The following ZNF407 variants were observed in gnomAD, a reference collection of about 807,000 sequenced individuals.
ZNF407 encodes zinc finger protein 407.
Under a neutral mutation model 131.2 loss-of-function variants are expected in ZNF407, and 17 were observed. The ratio of observed to expected loss-of-function variants is 0.13; its 90% confidence interval spans 0.09 to 0.19. The LOEUF is 0.19. Ranked by LOEUF, ZNF407 falls within the 10% of genes least tolerant of loss-of-function variation. ZNF407 has a pLI of 1.00. For missense variants in ZNF407, 2,681 were observed against 2,830.6 expected (o/e 0.95, Z 1.20); for synonymous variants, 1,156 against 1,062.0 (o/e 1.09, Z -1.72).
intron 4 of ZNF407, among the ~76,000 whole-genome samples, chr18:74,850,732 A>G (rs2145145764): frequency 6.6e-6 from 1 of 152,300 alleles, no homozygotes; most frequent in East Asian, 1.9e-4. Flanking sequence ...ATGGTACTCC[A>G]CACCCATGTA....
At chr18:74,598,413 C>T (rs4073570) in intron 1 of ZNF407, 109,559 of 152,322 alleles carry the variant, frequency 0.72, 41,235 homozygotes, top group East Asian at 0.95. Flanking sequence ...GAAATCGGGC[C>T]GTTCTCGCGT....
rs374601329 is a variant in ZNF407, at chr18:74,915,367, T to C, written c.5250-5147T>C. Among the ~76,000 whole-genome samples the C allele has an allele frequency of 9.1e-5, 12 of 131,972 alleles. No individual in the cohort carries two copies. In the East Asian group the frequency reaches 2.3e-3, roughly 25 times the overall value. 86.6% of individuals were successfully genotyped at this position (131,972 alleles called of 152,430 possible). A position where few individuals can be genotyped will look rare whatever the true frequency, so the allele number is the denominator to read the frequency against. ...GTGTGTGTGTGCATGTGTGTGCTGG[T>C]ATGGTGAGGTTGTATGCAGCATTGG... On this transcript the variant is annotated intron_variant, in intron 7 of 8. Transcript: ENST00000299687.
At chr18:74,782,271 T>A (rs1337033527) in intron 4 of ZNF407, among the ~76,000 whole-genome samples, 4 of 152,346 alleles carry the variant, frequency 2.6e-5, no homozygotes, top group East Asian at 1.9e-4. Context: ...TTAGTTTTTT[T>A]AATACTGTTT....
intron 3 of ZNF407, among the ~76,000 whole-genome samples, chr18:74,754,895 G>C (rs1001575182): frequency 6.6e-6 from 1 of 152,124 alleles, no homozygotes; most frequent in Non-Finnish European, 1.5e-5. Flanking sequence ...TTCAATCCCG[G>C]ATGTCCTTGT....
chr18:74,830,831 G>A (rs898999582), intron 4 of ZNF407, among the ~76,000 whole-genome samples: 9 of 152,084 alleles, frequency 5.9e-5, no homozygotes, highest in African/African-American at 1.2e-4. Flanking sequence ...AAATGTAGTC[G>A]TCCTACAGCG....
intron 8 of ZNF407, among the ~76,000 whole-genome samples, chr18:75,027,330 A>G (rs896261137): frequency 6.6e-6 from 1 of 152,192 alleles, no homozygotes; most frequent in African/African-American, 2.4e-5. Context: ...TTCCAAGAAC[A>G]AATTTTAATT....
chr18:74,668,174 G>A (rs186039970), intron 3 of ZNF407, among the ~76,000 whole-genome samples: 13 of 152,212 alleles, frequency 8.5e-5, no homozygotes, highest in Non-Finnish European at 1.8e-4. Flanking sequence ...CGCTGGACTG[G>A]TTGCAGTCCA....
chr18:74,787,472 T>G (rs1969741114), intron 4 of ZNF407, among the ~76,000 whole-genome samples: 1 of 152,228 alleles, frequency 6.6e-6, no homozygotes, highest in South Asian at 2.1e-4. Context: ...AGTCAGCATC[T>G]GTGCTGCAGA....
chr18:74,851,493 C>G (rs1389304764), intron 4 of ZNF407, among the ~76,000 whole-genome samples: 1 of 152,026 alleles, frequency 6.6e-6, no homozygotes, highest in Admixed American at 6.5e-5. Flanking sequence ...TTATCAGAAA[C>G]TTGGGAGTAT....
chr18:75,040,412 G>C (rs1973359561), intron 8 of ZNF407, among the ~76,000 whole-genome samples: 1 of 152,152 alleles, frequency 6.6e-6, no homozygotes, highest in Admixed American at 6.5e-5. Flanking sequence ...ACTGGGTATT[G>C]ATCTGTGTTC....
intron 4 of ZNF407, among the ~76,000 whole-genome samples, chr18:74,864,934 G>T (rs1318247613): frequency 6.6e-6 from 1 of 152,206 alleles, no homozygotes; most frequent in Non-Finnish European, 1.5e-5. Context: ...TATGGTGATT[G>T]TGTTGTTACT....
At chr18:74,777,362 T>G (rs1969494308) in intron 3 of ZNF407, among the ~76,000 whole-genome samples, 1 of 152,130 alleles carries the variant, frequency 6.6e-6, no homozygotes, top group African/African-American at 2.4e-5. Context: ...TATTTTTTAT[T>G]TAAAGGTGTT....
chr18:74,622,798 C>T (rs991184346), intron 1 of ZNF407, among the ~76,000 whole-genome samples: 5 of 150,936 alleles, frequency 3.3e-5, no homozygotes, highest in African/African-American at 1.2e-4. Flanking sequence ...GTGTCTGTGT[C>T]TGAATTTGTG....
At chr18:74,764,481 T>C (rs1969183581) in intron 3 of ZNF407, among the ~76,000 whole-genome samples, 1 of 152,224 alleles carries the variant, frequency 6.6e-6, no homozygotes, top group African/African-American at 2.4e-5. Context: ...GGTTCTACTT[T>C]TGTGGATTCT....
At chr18:74,715,370 C>G (rs1246430148) in intron 3 of ZNF407, among the ~76,000 whole-genome samples, 11 of 152,186 alleles carry the variant, frequency 7.2e-5, no homozygotes, top group Non-Finnish European at 1.6e-4. Context: ...GGGTATTGTG[C>G]CAGACTCTGG....
intron 1 of ZNF407, among the ~76,000 whole-genome samples, chr18:74,608,848 T>C (rs1049257524): frequency 3.3e-5 from 5 of 152,356 alleles, no homozygotes; most frequent in Admixed American, 1.3e-4. Context: ...GTATGTGATA[T>C]AGATATGTCT....
chr18:74,944,829 T>G (rs989289745), intron 8 of ZNF407, among the ~76,000 whole-genome samples: 2 of 152,220 alleles, frequency 1.3e-5, no homozygotes, highest in Non-Finnish European at 2.9e-5. Flanking sequence ...AGAAGCAGTT[T>G]GAGTGCCACG....
intron 3 of ZNF407, among the ~76,000 whole-genome samples, chr18:74,667,869 G>A (rs1299798751): frequency 2.6e-5 from 4 of 152,170 alleles, no homozygotes; most frequent in African/African-American, 9.7e-5. Context: ...GTTTTTGATA[G>A]AAACAAATCA....
At chr18:74,732,836 G>A (rs574791666) in intron 3 of ZNF407, among the ~76,000 whole-genome samples, 6 of 152,102 alleles carry the variant, frequency 3.9e-5, no homozygotes, top group African/African-American at 1.4e-4. Flanking sequence ...TAAAATGTGA[G>A]TGTTTACATT....
Sources: allele counts gnomAD v4.1 joint callset (sites outside exome capture counted in the v4.1 genomes callset), GRCh38; gene constraint gnomAD v4.1.1; transcripts MANE v1.5; gene names NCBI Gene and HGNC (gene_info 2026-07-23, HGNC 2026-07-21).